UNC13D: variants seen among roughly 807,000 people sequenced by gnomAD.
UNC13D encodes the protein unc-13 homolog D.
UNC13D carries 115 observed loss-of-function variants against 151.7 expected under a neutral mutation model. The ratio of observed to expected loss-of-function variants is 0.76; its 90% CI spans 0.65 to 0.88. The LOEUF is 0.88. UNC13D is among the 40% of genes least tolerant of loss of function. The probability of loss-of-function intolerance (pLI) is 0.00; values close to 1 mark genes in which losing one functional copy is unlikely to be tolerated. For missense variants in UNC13D, 1,369 were observed against 1,438.7 expected, an observed-to-expected ratio of 0.95 and a Z score of 0.78; for synonymous variants, 588 against 612.2, an observed-to-expected ratio of 0.96 and a Z score of 0.58.
In UNC13D at chr17:75,833,079, G is replaced by C. The variant is rs552038992; in HGVS notation, c.2368-34C>G. ...GGAGATGGGGAGCAGGTGTGGCTCC[G>C]GCCCATGTTGGCCCCACCCCCATCC... On this transcript the variant is annotated intron_variant, in intron 24 of 31. Coordinates refer to ENST00000207549, the MANE Select transcript of UNC13D (RefSeq NM_199242.3). The surrounding 1 kb of genome is among the most constrained non-coding windows in gnomAD (Gnocchi z 4.0). 13 of 1,565,960 alleles carry C rather than the reference G, an allele frequency of 8.3e-6. No individual in the cohort carries two copies. The highest frequency in any genetic ancestry group is 4.6e-5 in the East Asian group (2 of 43,538).
chr17:75,834,423 G>A lies in UNC13D; in HGVS notation c.2200C>T (p.Gln734Ter). Residue 734 changes from glutamine (Q) to a stop codon, truncating the protein, a stop_gained, in exon 23 of 32, where the codon CAG (glutamine) becomes TAG (stop). Coordinates refer to ENST00000207549, the MANE Select transcript of UNC13D (RefSeq NM_199242.3). LOFTEE classifies it high-confidence loss of function. ...LEQRVGAVLE[Q>*]GQLQNTLHAQ... ...TGCAGCGTGTTCTGCAGCTGCCCCT[G>A]CTCCAGCACGGCCCCTACCCGCTGC... 1 of 1,572,774 alleles carries A rather than the reference G, an allele frequency of 6.4e-7. No homozygotes were observed. The highest frequency in any genetic ancestry group is 8.6e-7 in the Non-Finnish European group (1 of 1,165,484).
At chr17:75,830,775 T>A in intron 27 of UNC13D, 114 bp from the exon 28 acceptor site, 1 of 1,324,320 alleles carries the variant, frequency 7.6e-7, no homozygotes, top group Non-Finnish European at 1.1e-6. Flanking sequence ...ATGGAAAGTA[T>A]TGGGTCATGG....
intron 21 of UNC13D, 51 bp from the exon 22 acceptor site, chr17:75,834,767 A>G: frequency 6.2e-7 from 1 of 1,609,584 alleles, no homozygotes; most frequent in Non-Finnish European, 8.5e-7. Flanking sequence ...GGCATCCAGG[A>G]AGGGCAGGTG....
intron 1 of UNC13D, 144 bp downstream of exon 1, chr17:75,844,077 C>A: frequency 1.4e-6 from 2 of 1,476,902 alleles, no homozygotes; most frequent in Non-Finnish European, 1.8e-6. Context: ...GCCCAGGGGG[C>A]TCTCCCCAGG....
chr17:75,830,632 C>T lies in UNC13D; in HGVS notation c.2655G>A (p.Ala885=), dbSNP rs1189310117. 16 of 1,555,904 alleles carry T rather than the reference C, an allele frequency of 1.0e-5. No individual in the cohort carries two copies. The highest frequency in any genetic ancestry group is 9.6e-5 in the African/African-American group (7 of 73,282). Reference sequence around the variant, plus strand: ...TCCGGATGAGTTCCCGGCTGGAGGCCGCCTGCAGCTCCAGGTCCCTCTGCA... The same window carrying T: ...TCCGGATGAGTTCCCGGCTGGAGGCTGCCTGCAGCTCCAGGTCCCTCTGCA... ...QALQRDLELQ[A]ASSRELIRKY... The change falls in exon 28 of 32, where the codon GCG becomes GCA. Residue 885 remains alanine (A), a synonymous_variant. Transcript: ENST00000207549.
Position 75,836,903 on chromosome 17 carries a change from G to A in UNC13D, c.1071C>T (p.Tyr357=), listed in dbSNP as rs2064913245. 10 of 1,612,572 alleles carry A rather than the reference G, an allele frequency of 6.2e-6. No homozygotes were observed. The East Asian group carries it at 1.8e-4, about 29-fold the overall frequency. ...FHQSMAQWLA[Y]SRLYQSLEFP... The stretch of plus-strand genomic sequence containing the variant: ...ACTCCAGGCTCTGGTAGAGGCGGCT[G>A]TAGGCCAGCCACTGCCTGCAGGGGA... The change falls in exon 13 of 32, where the codon TAC becomes TAT. Residue 357 remains tyrosine, a synonymous_variant. Transcript: ENST00000207549.
At position 75,832,934 on chromosome 17, in the gene UNC13D, C is replaced by T. The variant is rs771304283; in HGVS notation, c.2447+32G>A. The T allele has an allele frequency of 2.4e-5, 38 of 1,554,318 alleles. No homozygotes were observed. Among genetic ancestry groups the T allele is most frequent in the Middle Eastern group, 1.7e-4 (1 of 5,976 alleles). Reference sequence around the variant, plus strand: ...GCCGTGGGAGGAGAGGGGGAGGTGGCGAGCGCGCCCAGGGCAGGGGCTGCT... The same window carrying T: ...GCCGTGGGAGGAGAGGGGGAGGTGGTGAGCGCGCCCAGGGCAGGGGCTGCT... On this transcript the variant is annotated intron_variant, in intron 25 of 31. Transcript: ENST00000207549. This position sits in a 1 kb window ranked among gnomAD's most constrained non-coding sequence, Gnocchi z 4.3.
intron 20 of UNC13D, 122 bp downstream of exon 20, chr17:75,835,287 G>C: frequency 7.1e-7 from 1 of 1,408,714 alleles, no homozygotes; most frequent in South Asian, 1.3e-5. Flanking sequence ...CTGGACTCAA[G>C]TGCACCCAAA....
Position 75,833,090 on chromosome 17 carries a change from GCCCCAC to G in UNC13D, c.2368-51_2368-46del. 6.4e-7 allele frequency: 1 copy of G among 1,554,354 alleles called. No homozygotes were observed. ...GCAGGTGTGGCTCCGGCCCATGTTG[GCCCCAC>G]CCCCATCCCCTTCCCCTGACCTGGA... is the stretch of plus-strand genomic sequence containing the variant. On this transcript the variant is annotated intron_variant, in intron 24 of 31. Coordinates refer to ENST00000207549, the MANE Select transcript of UNC13D (RefSeq NM_199242.3). The surrounding 1 kb of genome is among the most constrained non-coding windows in gnomAD (Gnocchi z 4.0).
chr17:75,844,308 C>T lies in UNC13D; in HGVS notation c.30G>A (p.Gln10=), dbSNP rs1316667053. The change falls in exon 1 of 32, where the codon CAG becomes CAA. Residue 10 remains glutamine, a synonymous_variant. Coordinates refer to ENST00000207549, the MANE Select transcript of UNC13D (RefSeq NM_199242.3). MATLLSHPQ[Q]RPPFLRQAIK... ...TGGCCTGGCGCAAGAAGGGAGGGCG[C>T]TGCTGCGGATGGGAGAGGAGTGTCG... 8 of 1,612,404 alleles carry T rather than the reference C, an allele frequency of 5.0e-6. No homozygotes were observed. The highest frequency in any genetic ancestry group is 5.9e-6 in the Non-Finnish European group (7 of 1,179,822).
chr17:75,834,350 G>T lies in UNC13D; in HGVS notation c.2273C>A (p.Thr758Asn), dbSNP rs1892712480. The T allele has an allele frequency of 3.1e-6, 5 of 1,595,050 alleles. No homozygotes were observed. The highest frequency in any genetic ancestry group is 4.2e-6 in the Non-Finnish European group (5 of 1,179,014). The change falls in exon 23 of 32, where the codon ACT becomes AAT. Residue 758 changes from threonine (T) to asparagine (N), a missense_variant. Transcript: ENST00000207549. The stretch of plus-strand genomic sequence containing the variant: ...CTGCTCGGCCAGGGTGCGGACGCCA[G>T]TGCGGATCTCATGGCCCAGCCCGGC... ...ALAGLGHEIRTGVRTLAEQLE... is the reference protein window; with the variant it reads ...ALAGLGHEIRNGVRTLAEQLE...
chr17:75,834,382 G>T lies in UNC13D; in HGVS notation c.2241C>A (p.Ser747Arg), dbSNP rs372453702. Residue 747 changes from serine to arginine, a missense_variant, in exon 23 of 32, where the codon AGC becomes AGA. By Grantham distance (110) the Ser-to-Arg change is moderately radical. Transcript: ENST00000207549. ...LQNTLHAQLQ[S>R]ALAGLGHEIR... Reference sequence around the variant, plus strand: ...TCTCATGGCCCAGCCCGGCCAGCGCGCTCTGCAGCTGGGCATGCAGCGTGT... The same window carrying T: ...TCTCATGGCCCAGCCCGGCCAGCGCTCTCTGCAGCTGGGCATGCAGCGTGT... 3 of 1,591,800 alleles carry T rather than the reference G, an allele frequency of 1.9e-6. No individual in the cohort carries two copies. The Admixed American group carries it at 5.1e-5, about 27-fold the overall frequency.
Position 75,831,172 on chromosome 17 carries a change from G to A in UNC13D, c.2554-3C>T. On this transcript the variant is annotated splice_polypyrimidine_tract_variant and splice_region_variant and intron_variant, in intron 26 of 31. Transcript: ENST00000207549. ...GCGTGGAAGCAGATCTCCAGGTTCT[G>A]GGGGAGATATCAGAGGTGACCCCAG... The A allele has an allele frequency of 3.1e-6, 5 of 1,614,102 alleles. No homozygotes were observed. Among genetic ancestry groups the A allele is most frequent in the East Asian group, 2.2e-5 (1 of 44,872 alleles).
rs2143857290 is a variant in UNC13D, at chr17:75,827,559, G to A, written c.*406C>T. The A allele has an allele frequency of 6.5e-7, 1 of 1,535,100 alleles. No individual in the cohort carries two copies. Among genetic ancestry groups the A allele is most frequent in the South Asian group, 1.2e-5 (1 of 83,990 alleles). ...CCCTTTTCCAGGAGACTCTGTGCCT[G>A]TAGCCCTGGTCCCAGTGAACCTGGC... On this transcript the variant is annotated 3_prime_UTR_variant, in exon 32 of 32. Coordinates refer to ENST00000207549, the MANE Select transcript of UNC13D (RefSeq NM_199242.3).
chr17:75,833,684 C>T lies in UNC13D; in HGVS notation c.2367+391G>A, dbSNP rs1008756596. On this transcript the variant is annotated intron_variant, in intron 24 of 31. Coordinates refer to ENST00000207549, the MANE Select transcript of UNC13D (RefSeq NM_199242.3). This position sits in a 1 kb window ranked among gnomAD's most constrained non-coding sequence, Gnocchi z 4.0. ...ATCAATGCATAGGACAAAGTGGGGA[C>T]CTAATAAATAGTTGGTGAATGAATG... 6.6e-6 allele frequency among the ~76,000 whole-genome samples: 1 copy of T among 152,152 alleles called. No individual in the cohort carries two copies. Among genetic ancestry groups the T allele is most frequent in the Non-Finnish European group, 1.5e-5 (1 of 68,034 alleles).
Position 75,836,618 on chromosome 17 carries a change from G to T in UNC13D, c.1252C>A (p.Pro418Thr). The change falls in exon 14 of 32, where the codon CCC becomes ACC. Residue 418 changes from proline (P) to threonine (T), a missense_variant. Transcript: ENST00000207549. ...SLIRRFRSVFPLSVSDSPARL... is the reference protein window; with the variant it reads ...SLIRRFRSVFTLSVSDSPARL... ...GCTGGGGAGTCCGAGACAGAGAGGG[G>T]GAAGACAGAGCGGAACCTCCGGATG... 6.2e-7 allele frequency: 1 copy of T among 1,613,832 alleles called. No individual in the cohort carries two copies. The highest frequency in any genetic ancestry group is 8.5e-7 in the Non-Finnish European group (1 of 1,180,032).
At position 75,834,477 on chromosome 17, in the gene UNC13D, G is replaced by A. The variant is rs774476484; in HGVS notation, c.2146C>T (p.Pro716Ser). Reference sequence around the variant, plus strand: ...AGGGCCTCCCATGCCAGCTGGGCGGGCAACTTGCCGATCACCAGCCGCAGC... The same window carrying A: ...AGGGCCTCCCATGCCAGCTGGGCGGACAACTTGCCGATCACCAGCCGCAGC... ...EQLRLVIGKL[P>S]AQLAWEALEQ... Residue 716 changes from proline (P) to serine (S), a missense_variant, in exon 23 of 32, where the codon CCC becomes TCC. Pro to Ser is a moderately conservative substitution (Grantham distance 74, BLOSUM62 -1). This residue lies in a region of UNC13D where 807 missense variants were observed against 795.5 expected (regional missense o/e 1.01). Coordinates refer to ENST00000207549, the MANE Select transcript of UNC13D (RefSeq NM_199242.3). 78 of 1,565,954 alleles carry A rather than the reference G, an allele frequency of 5.0e-5. No individual in the cohort carries two copies. Among genetic ancestry groups the A allele is most frequent in the South Asian group, 2.1e-4 (18 of 86,794 alleles).
rs912432422 is a variant in UNC13D at position 75,827,777 on chromosome 17, T to C, written c.*188A>G. On this transcript the variant is annotated 3_prime_UTR_variant, in exon 32 of 32. Coordinates refer to ENST00000207549, the MANE Select transcript of UNC13D (RefSeq NM_199242.3). ...GGAGGCAGGGAGGCGGGAGTAGAGA[T>C]GTCGCTGCTGAGCCCCCATCACCAT... 1.4e-6 allele frequency: 2 copies of C among 1,480,150 alleles called. No individual in the cohort carries two copies. The highest frequency in any genetic ancestry group is 1.8e-6 in the Non-Finnish European group (2 of 1,114,692). The allele number at this position is 1,480,150 out of a possible 1,614,324, so 91.7% of individuals were successfully genotyped here. A position where few individuals can be genotyped will look rare whatever the true frequency, so the allele number is the denominator to read the frequency against.
rs1305294683 is a variant in UNC13D at position 75,827,739 on chromosome 17, T to C, written c.*226A>G. 2 of 1,495,496 alleles carry C rather than the reference T, an allele frequency of 1.3e-6. No homozygotes were observed. The highest frequency in any genetic ancestry group is 1.8e-6 in the Non-Finnish European group (2 of 1,121,848). 92.6% of individuals were successfully genotyped at this position (1,495,496 alleles called of 1,614,324 possible). A position where few individuals can be genotyped will look rare whatever the true frequency, so the allele number is the denominator to read the frequency against. On this transcript the variant is annotated 3_prime_UTR_variant, in exon 32 of 32. Transcript: ENST00000207549. ...TGGTGCTGGGATGTGGTAGAGACAT[T>C]GCAGCCAGGGCTGGAGGCAGGGAGG... is the stretch of plus-strand genomic sequence containing the variant.
Sources: allele counts gnomAD v4.1 joint callset (sites outside exome capture counted in the v4.1 genomes callset), GRCh38; gene constraint gnomAD v4.1.1; regional missense constraint gnomAD v4.1.1; non-coding constraint Gnocchi (gnomAD v3.1); transcripts MANE v1.5; gene names NCBI Gene and HGNC (gene_info 2026-07-23, HGNC 2026-07-21).